ANTXR1: variants seen among roughly 807,000 people sequenced by gnomAD.
ANTXR1 encodes the protein anthrax toxin receptor 1.
ANTXR1 carries 19 observed loss-of-function variants against 78.1 expected under a neutral mutation model. The observed-to-expected ratio is 0.24, with a 90% CI of 0.17 to 0.36. The LOEUF is 0.36. Among genes scored for constraint, ANTXR1 ranks in the 10% least tolerant of loss-of-function variants. The probability of loss-of-function intolerance (pLI) is 1.00; values close to 1 mark genes in which losing one functional copy is unlikely to be tolerated. For synonymous variants in ANTXR1, 273 were observed against 260.5 expected (o/e 1.05, Z -0.46); for missense variants, 518 against 718.6 (o/e 0.72, Z 3.19).
At position 69,070,505 on chromosome 2, in the gene ANTXR1, C is replaced by A. The variant is rs1478211753; in HGVS notation, c.297-142C>A. ...TGACCCTGAACGGATAATATAAAGG[C>A]CTTCCCTTTGATAGGCTTTTGGGGA... On this transcript the variant is annotated intron_variant, in intron 3 of 17. Coordinates refer to ENST00000303714, the MANE Select transcript of ANTXR1 (RefSeq NM_032208.3). 17 of 757,780 alleles carry A rather than the reference C, an allele frequency of 2.2e-5. 1 individual carries two copies. Among genetic ancestry groups the A allele is most frequent in the South Asian group, 1.0e-4 (7 of 66,724 alleles). 46.9% of individuals were successfully genotyped at this position (757,780 alleles called of 1,614,324 possible).
At chr2:69,028,701 A>C (rs1053558801) in intron 1 of ANTXR1, among the ~76,000 whole-genome samples, 2 of 152,196 alleles carry the variant, frequency 1.3e-5, no homozygotes, top group Admixed American at 1.3e-4. Context: ...ATAAATTTTG[A>C]CATAATATTG....
intron 12 of ANTXR1, among the ~76,000 whole-genome samples, chr2:69,135,636 C>T (rs1173651133): frequency 6.6e-6 from 1 of 152,008 alleles, no homozygotes; most frequent in Non-Finnish European, 1.5e-5. Flanking sequence ...AATTATCGGT[C>T]TAAAGAGGAC....
At chr2:69,150,485 T>C (rs1453272615) in intron 12 of ANTXR1, among the ~76,000 whole-genome samples, 2 of 152,144 alleles carry the variant, frequency 1.3e-5, no homozygotes, top group African/African-American at 4.8e-5. Flanking sequence ...TACAGATTTT[T>C]TTAAAGGAAA....
intron 10 of ANTXR1, among the ~76,000 whole-genome samples, chr2:69,106,319 A>T (rs1223652774): frequency 7.2e-5 from 11 of 152,260 alleles, no homozygotes; most frequent in Non-Finnish European, 1.5e-5. Flanking sequence ...TAGATCCAAA[A>T]ATCTGGATGA....
chr2:69,013,550 T>C lies in ANTXR1; in HGVS notation c.51T>C (p.Ser17=). The part of the protein sequence containing the change: ...RALGIGFQWL[S]LATLVLICAG... ...TCGGCATCGGCTTCCAGTGGCTCTC[T>C]TTGGCCACTCTGGTGCTCATCTGCG... Residue 17 remains serine (S), a synonymous_variant, in exon 1 of 18, where the codon TCT becomes TCC. Coordinates refer to ENST00000303714, the MANE Select transcript of ANTXR1 (RefSeq NM_032208.3). The surrounding 1 kb of genome is among the most constrained non-coding windows in gnomAD (Gnocchi z 5.0). 1 of 1,581,374 alleles carries C rather than the reference T, an allele frequency of 6.3e-7. No individual in the cohort carries two copies. The highest frequency in any genetic ancestry group is 8.6e-7 in the Non-Finnish European group (1 of 1,164,724).
intron 16 of ANTXR1, among the ~76,000 whole-genome samples, chr2:69,186,786 T>C (rs1308379969): frequency 1.3e-5 from 2 of 152,256 alleles, no homozygotes; most frequent in African/African-American, 4.8e-5. Context: ...ACCTATATAA[T>C]GTTGCCTCTT....
intron 16 of ANTXR1, among the ~76,000 whole-genome samples, chr2:69,191,291 AAC>A (rs1455246310): frequency 6.6e-6 from 1 of 152,238 alleles, no homozygotes; most frequent in Non-Finnish European, 1.5e-5. Flanking sequence ...GAACTCAAAC[AAC>A]AGTTTATAAA....
intron 17 of ANTXR1, among the ~76,000 whole-genome samples, chr2:69,227,950 G>A (rs957076677): frequency 9.9e-5 from 15 of 152,224 alleles, no homozygotes; most frequent in African/African-American, 3.6e-4. Flanking sequence ...GGGAAATGTA[G>A]TCATTGCTGG....
intron 10 of ANTXR1, among the ~76,000 whole-genome samples, chr2:69,120,159 C>T (rs547792222): frequency 8.7e-4 from 132 of 152,312 alleles, no homozygotes; most frequent in Non-Finnish European, 1.5e-3. Context: ...AATCATCTAA[C>T]GCAAAGCCTA....
chr2:69,028,019 G>A (rs996172405), intron 1 of ANTXR1, among the ~76,000 whole-genome samples: 4 of 152,120 alleles, frequency 2.6e-5, no homozygotes, highest in African/African-American at 9.7e-5. Context: ...AATAAATGAT[G>A]CAGGCATGTT....
At chr2:69,093,163 C>T (rs1264373011) in intron 9 of ANTXR1, among the ~76,000 whole-genome samples, 3 of 152,152 alleles carry the variant, frequency 2.0e-5, no homozygotes, top group Non-Finnish European at 4.4e-5. Context: ...GCAGGGTACC[C>T]AGCACTCACT....
intron 16 of ANTXR1, among the ~76,000 whole-genome samples, chr2:69,191,161 C>T (rs1374205209): frequency 6.6e-6 from 1 of 152,168 alleles, no homozygotes; most frequent in African/African-American, 2.4e-5. Flanking sequence ...TTCTATCCAG[C>T]ATTCTAAAAT....
intron 16 of ANTXR1, among the ~76,000 whole-genome samples, chr2:69,188,786 A>C (rs181393427): frequency 2.6e-4 from 40 of 152,308 alleles, no homozygotes; most frequent in African/African-American, 9.6e-4. Context: ...GAGATAGATA[A>C]AGCGGAGGCA....
chr2:69,110,537 TA>T (rs1671944075), intron 10 of ANTXR1, among the ~76,000 whole-genome samples: 1 of 152,132 alleles, frequency 6.6e-6, no homozygotes, highest in Non-Finnish European at 1.5e-5. Flanking sequence ...GGAATGTTAA[TA>T]ATATGGCAAA....
chr2:69,153,644 G>A (rs1465364640), intron 13 of ANTXR1, among the ~76,000 whole-genome samples: 1 of 152,172 alleles, frequency 6.6e-6, no homozygotes, highest in Non-Finnish European at 1.5e-5. Flanking sequence ...ATCCTCATGA[G>A]TCAGCCCAAG....
intron 10 of ANTXR1, among the ~76,000 whole-genome samples, chr2:69,113,213 G>A (rs1389681060): frequency 6.6e-6 from 1 of 152,148 alleles, no homozygotes; most frequent in East Asian, 1.9e-4. Context: ...TCCTGCGGGG[G>A]TAAGTTGGCA....
chr2:69,029,051 CT>C (rs1288355548), intron 1 of ANTXR1, among the ~76,000 whole-genome samples: 300 of 125,838 alleles, frequency 2.4e-3, no homozygotes, highest in African/African-American at 6.2e-3. Flanking sequence ...ACCCCCCCCC[CT>C]CCATCTCTAC....
intron 16 of ANTXR1, 83 bp downstream of exon 16, chr2:69,182,743 A>G (rs944073067): frequency 1.9e-6 from 3 of 1,586,582 alleles, no homozygotes; most frequent in Admixed American, 1.7e-5. Flanking sequence ...TCCACATGAT[A>G]AAATCCCAAC....
intron 3 of ANTXR1, among the ~76,000 whole-genome samples, chr2:69,062,861 T>C (rs1670288529): frequency 1.3e-5 from 2 of 151,918 alleles, no homozygotes; most frequent in African/African-American, 2.4e-5. Context: ...GGGGAAGATA[T>C]GGGTGATCAG....
Sources: gnomAD v4.1 joint callset for allele counts (sites outside exome capture counted in the v4.1 genomes callset) on GRCh38, gnomAD v4.1.1 for gene constraint, Gnocchi (gnomAD v3.1) non-coding constraint, MANE v1.5 for transcripts, NCBI Gene and HGNC (gene_info 2026-07-23, HGNC 2026-07-21) for gene names.